The following PIGF variants were observed in gnomAD, a reference collection of about 807,000 sequenced individuals.
PIGF encodes the protein phosphatidylinositol glycan anchor biosynthesis class F.
PIGF carries 23 observed loss-of-function variants against 26.0 expected under a neutral mutation model. That is an observed-to-expected ratio of 0.88 (90% CI 0.64 to 1.25). PIGF has a LOEUF of 1.25. PIGF is among the 50% of genes most tolerant of loss of function. PIGF has a pLI of 0.00. For synonymous variants in PIGF, 93 were observed against 92.6 expected (o/e 1.00, Z -0.03); for missense variants, 278 against 249.9 (o/e 1.11, Z -0.76).
intron 5 of PIGF, chr2:46,592,048 A>C (rs1669737316): frequency 9.0e-7 from 1 of 1,112,304 alleles, no homozygotes; most frequent in African/African-American, 1.6e-5. Flanking sequence ...CTATTAACCT[A>C]GTTTTTAAAA....
At chr2:46,611,750 T>C (rs1670426640) in intron 4 of PIGF, among the ~76,000 whole-genome samples, 2 of 152,138 alleles carry the variant, frequency 1.3e-5, no homozygotes, top group Admixed American at 6.5e-5. Context: ...CTCATAAAAC[T>C]TGAGCTCTGG....
Position 46,580,946 on chromosome 2 carries a change from G to A in PIGF, c.*532C>T. 6.5e-7 allele frequency: 1 copy of A among 1,527,322 alleles called. No individual in the cohort carries two copies. The highest frequency in any genetic ancestry group is 8.7e-7 in the Non-Finnish European group (1 of 1,143,402). 94.6% of individuals were successfully genotyped at this position (1,527,322 alleles called of 1,614,324 possible). ...CTCCCAGATAGGAGCATGCTGCTAT[G>A]TGGAATGTTCAGCTTTAACCCAGAA... On this transcript the variant is annotated 3_prime_UTR_variant, in exon 6 of 6. Transcript: ENST00000281382.
intron 5 of PIGF, among the ~76,000 whole-genome samples, chr2:46,585,006 T>C (rs1005105354): frequency 1.3e-5 from 2 of 152,224 alleles, no homozygotes; most frequent in African/African-American, 4.8e-5. Flanking sequence ...TCCTAAGGTT[T>C]TCCTTTAAAA....
chr2:46,613,631 A>G, intron 3 of PIGF, 63 bp downstream of exon 3: 1 of 1,237,774 alleles, frequency 8.1e-7, no homozygotes, highest in South Asian at 1.5e-5. Flanking sequence ...GCTAAGAATT[A>G]GCACACAGTT....
Position 46,612,330 on chromosome 2 carries a change from G to T in PIGF, c.335C>A (p.Thr112Lys). 1 of 1,388,520 alleles carries T rather than the reference G, an allele frequency of 7.2e-7. No individual in the cohort carries two copies. Among genetic ancestry groups the T allele is most frequent in the Non-Finnish European group, 9.7e-7 (1 of 1,030,572 alleles). The allele number at this position is 1,388,520 out of a possible 1,614,324, so 86.0% of individuals were successfully genotyped here. A position where few individuals can be genotyped will look rare whatever the true frequency, so the allele number is the denominator to read the frequency against. ...AGACAAAATAACTGCAAATAAAAATGTTTCCAATGCCAACCTAGAAAAAAA... is the reference window on the plus strand; with the variant it reads ...AGACAAAATAACTGCAAATAAAAATTTTTCCAATGCCAACCTAGAAAAAAA... ...GAPLIELALE[T>K]FLFAVILSTF... Residue 112 changes from threonine (T) to lysine (K), a missense_variant, in exon 4 of 6, where the codon ACA (threonine) becomes AAA (lysine). Physicochemically the swap from Thr to Lys is moderately conservative, Grantham distance 78. Coordinates refer to ENST00000281382, the MANE Select transcript of PIGF (RefSeq NM_002643.4).
chr2:46,613,748 A>G lies in PIGF; in HGVS notation c.266T>C (p.Met89Thr). 1 of 1,553,016 alleles carries G rather than the reference A, an allele frequency of 6.4e-7. No individual in the cohort carries two copies. Among genetic ancestry groups the G allele is most frequent in the Non-Finnish European group, 8.9e-7 (1 of 1,129,818 alleles). ...GFLKCCIYFL[M>T]SCFSFHVIFV... ...AATTACATGAAAGGAGAAACAAGAC[A>G]TAAGAAAGTAGATACAGCATTTCAA... Residue 89 changes from methionine to threonine, a missense_variant, in exon 3 of 6, where the codon ATG becomes ACG. By Grantham distance (81) the Met-to-Thr change is moderately conservative (BLOSUM62 -1). Coordinates refer to ENST00000281382, the MANE Select transcript of PIGF (RefSeq NM_002643.4).
At chr2:46,610,256 A>C (rs1027245406) in intron 4 of PIGF, among the ~76,000 whole-genome samples, 1 of 152,212 alleles carries the variant, frequency 6.6e-6, no homozygotes, top group Non-Finnish European at 1.5e-5. Context: ...TTATAGCAGA[A>C]CTAATTGTAA....
chr2:46,600,162 G>C (rs140231420), intron 4 of PIGF, among the ~76,000 whole-genome samples: 24 of 152,354 alleles, frequency 1.6e-4, no homozygotes, highest in African/African-American at 5.5e-4. Context: ...TGCACAGTCT[G>C]CCCCCTTAGC....
intron 3 of PIGF, among the ~76,000 whole-genome samples, chr2:46,613,184 T>G (rs2104143847): frequency 6.6e-6 from 1 of 152,196 alleles, no homozygotes; most frequent in South Asian, 2.1e-4. Flanking sequence ...AAACATTATG[T>G]AAGAAACATT....
chr2:46,604,548 T>C (rs1012207039), intron 4 of PIGF, among the ~76,000 whole-genome samples: 1 of 151,972 alleles, frequency 6.6e-6, no homozygotes, highest in African/African-American at 2.4e-5. Flanking sequence ...AATGAGTTCC[T>C]GCCATTTGCA....
chr2:46,602,614 A>C (rs890606948), intron 4 of PIGF, among the ~76,000 whole-genome samples: 1 of 151,940 alleles, frequency 6.6e-6, no homozygotes, highest in African/African-American at 2.4e-5. Flanking sequence ...TGTGTTTTAC[A>C]TATTAAAATA....
At chr2:46,607,872 A>C (rs141810444) in intron 4 of PIGF, among the ~76,000 whole-genome samples, 1 of 152,044 alleles carries the variant, frequency 6.6e-6, no homozygotes, top group African/African-American at 2.4e-5. Flanking sequence ...TTTTTCTTGT[A>C]TTTTTAGTAG....
chr2:46,613,581 T>A (rs1326895838), intron 3 of PIGF, 113 bp downstream of exon 3: 1 of 691,726 alleles, frequency 1.4e-6, no homozygotes, highest in Non-Finnish European at 2.4e-6. Context: ...GTGTCCTTAC[T>A]TGATCTATTA....
intron 4 of PIGF, among the ~76,000 whole-genome samples, chr2:46,601,792 T>C (rs1670063570): frequency 6.6e-6 from 1 of 152,018 alleles, no homozygotes; most frequent in African/African-American, 2.4e-5. Flanking sequence ...AGAGGCCTAT[T>C]ATCTTTGTCT....
At position 46,581,552 on chromosome 2, in the gene PIGF, A is replaced by G. The variant is rs1275493421; in HGVS notation, c.586T>C (p.Tyr196His). 2 of 1,611,680 alleles carry G rather than the reference A, an allele frequency of 1.2e-6. No individual in the cohort carries two copies. Among genetic ancestry groups the G allele is most frequent in the South Asian group, 1.1e-5 (1 of 90,982 alleles). ...GGTGAAATAACAAGGCCAGCCACGT[A>G]GCCAAAGGTCGCTCCAAGCGTACAG... ...ISCTLGATFG[Y>H]VAGLVISPLW... The change falls in exon 6 of 6, where the codon TAC becomes CAC. Residue 196 changes from tyrosine to histidine, a missense_variant. Coordinates refer to ENST00000281382, the MANE Select transcript of PIGF (RefSeq NM_002643.4).
At chr2:46,602,186 T>G (rs1389771334) in intron 4 of PIGF, among the ~76,000 whole-genome samples, 1 of 151,984 alleles carries the variant, frequency 6.6e-6, no homozygotes, top group Non-Finnish European at 1.5e-5. Context: ...TTTATAATAG[T>G]ATTCTTTTGT....
intron 5 of PIGF, among the ~76,000 whole-genome samples, chr2:46,585,591 C>T (rs370481083): frequency 6.6e-6 from 1 of 152,162 alleles, no homozygotes; most frequent in Non-Finnish European, 1.5e-5. Flanking sequence ...TAAAGTACCA[C>T]GTACCAGTAT....
At chr2:46,612,207 T>A (rs377679776) in intron 4 of PIGF, 21 bp downstream of exon 4, 1 of 694,432 alleles carries the variant, frequency 1.4e-6, no homozygotes, top group African/African-American at 1.9e-5. Flanking sequence ...AATATCATTA[T>A]AATATAAAAT....
chr2:46,598,662 T>C (rs902217629), intron 4 of PIGF, among the ~76,000 whole-genome samples: 3 of 151,836 alleles, frequency 2.0e-5, no homozygotes, highest in East Asian at 3.9e-4. Flanking sequence ...CCTGTAGTGG[T>C]TGCCTGGGCC....
Sources: gnomAD v4.1 joint callset for allele counts (sites outside exome capture counted in the v4.1 genomes callset) on GRCh38, gnomAD v4.1.1 for gene constraint, MANE v1.5 for transcripts, NCBI Gene and HGNC (gene_info 2026-07-23, HGNC 2026-07-21) for gene names.